SPACA7: variants seen among roughly 807,000 people sequenced by gnomAD.
SPACA7 encodes the protein sperm acrosome-associated protein 7.
SPACA7 carries 19 observed loss-of-function variants against 26.3 expected under a neutral mutation model. The observed-to-expected ratio is 0.72, with a 90% CI of 0.50 to 1.06. SPACA7 has a LOEUF of 1.06. SPACA7 is among the 50% of genes least tolerant of loss of function. The probability of loss-of-function intolerance (pLI) is 0.00; values close to 1 mark genes in which losing one functional copy is unlikely to be tolerated. For missense variants in SPACA7, 211 were observed against 229.9 expected, an observed-to-expected ratio of 0.92 and a Z score of 0.53; for synonymous variants, 84 against 84.5, an observed-to-expected ratio of 0.99 and a Z score of 0.04.
intron 2 of SPACA7, among the ~76,000 whole-genome samples, chr13:112,397,619 A>C (rs1212710337): frequency 6.6e-6 from 1 of 152,156 alleles, no homozygotes; most frequent in Admixed American, 6.5e-5. Flanking sequence ...TCCCTAGGAG[A>C]ACCCATAGGG....
intron 5 of SPACA7, among the ~76,000 whole-genome samples, chr13:112,414,902 A>T (rs1045154451): frequency 6.6e-6 from 1 of 152,190 alleles, no homozygotes; most frequent in South Asian, 2.1e-4. Context: ...ATTGAAAGTT[A>T]GATATTTATT....
chr13:112,377,356 A>T (rs574615740), intron 1 of SPACA7, among the ~76,000 whole-genome samples: 1 of 152,334 alleles, frequency 6.6e-6, no homozygotes, highest in Admixed American at 6.5e-5. Flanking sequence ...AGACCTTTTA[A>T]AATCTAGACA....
intron 5 of SPACA7, among the ~76,000 whole-genome samples, chr13:112,403,548 A>G (rs925480287): frequency 5.9e-5 from 9 of 152,034 alleles, no homozygotes; most frequent in Non-Finnish European, 1.2e-4. Context: ...ACTGTACCCA[A>G]TTTGTAGTCT....
At chr13:112,411,339 G>A (rs895736850) in intron 5 of SPACA7, among the ~76,000 whole-genome samples, 4 of 151,852 alleles carry the variant, frequency 2.6e-5, no homozygotes, top group African/African-American at 9.7e-5. Flanking sequence ...CATATTTACA[G>A]GACACATTTA....
chr13:112,405,893 G>C (rs886806278), intron 5 of SPACA7, among the ~76,000 whole-genome samples: 15 of 151,980 alleles, frequency 9.9e-5, no homozygotes, highest in African/African-American at 3.6e-4. Flanking sequence ...CCAACTTTTA[G>C]CATCGAAAAG....
At chr13:112,389,277 T>A (rs920068623) in intron 1 of SPACA7, among the ~76,000 whole-genome samples, 1 of 152,208 alleles carries the variant, frequency 6.6e-6, no homozygotes, top group African/African-American at 2.4e-5. Context: ...TCTCTTTCAC[T>A]GTCTCAGTCA....
At chr13:112,419,639 T>A (rs755602257) in intron 5 of SPACA7, among the ~76,000 whole-genome samples, 1 of 152,196 alleles carries the variant, frequency 6.6e-6, no homozygotes, top group Non-Finnish European at 1.5e-5. Context: ...TCACCATTAC[T>A]AACAGAGAGC....
chr13:112,432,725 G>A (rs2296890), intron 6 of SPACA7, among the ~76,000 whole-genome samples: 21,180 of 152,124 alleles, frequency 0.14, 1,644 homozygotes, highest in East Asian at 0.28. Flanking sequence ...GTCAAGGCCC[G>A]TGTCATTGAA....
chr13:112,408,734 A>C (rs1262997371), intron 5 of SPACA7, among the ~76,000 whole-genome samples: 1 of 152,236 alleles, frequency 6.6e-6, no homozygotes, highest in Non-Finnish European at 1.5e-5. Flanking sequence ...CAAATGGAAG[A>C]GCATTCCATG....
chr13:112,399,470 C>A (rs1885498010), intron 4 of SPACA7, among the ~76,000 whole-genome samples: 1 of 152,124 alleles, frequency 6.6e-6, no homozygotes, highest in African/African-American at 2.4e-5. Flanking sequence ...TGCCACAATG[C>A]CTGGCCCCCT....
chr13:112,430,004 T>C (rs181215899), intron 5 of SPACA7, among the ~76,000 whole-genome samples: 1 of 152,204 alleles, frequency 6.6e-6, no homozygotes, highest in South Asian at 2.1e-4. Context: ...GAGGGTTTTT[T>C]AAAATGTTTT....
intron 2 of SPACA7, among the ~76,000 whole-genome samples, chr13:112,394,102 A>G (rs9604311): frequency 0.44 from 67,207 of 151,702 alleles, 15,081 homozygotes; most frequent in East Asian, 0.64. Flanking sequence ...TTTCCATCAC[A>G]CTGGCTCTCC....
intron 1 of SPACA7, chr13:112,382,359 A>G: frequency 6.8e-7 from 1 of 1,467,806 alleles, no homozygotes. Context: ...CAGCCTCCCA[A>G]AGTGCTGGGA....
In SPACA7 at chr13:112,377,102, C is replaced by T. The variant is rs545400540; in HGVS notation, c.94+623C>T. 2.8e-4 allele frequency among the ~76,000 whole-genome samples: 42 copies of T among 152,266 alleles called. No homozygotes were observed. The South Asian group carries it at 8.7e-3, about 32-fold the overall frequency. On this transcript the variant is annotated intron_variant, in intron 1 of 6. Coordinates refer to ENST00000283550, the MANE Select transcript of SPACA7 (RefSeq NM_145248.5). ...CAAATACAGGGAAAGTGGAGATTTG[C>T]AGCCAAGGATCAGGGTGGGTCAGTG...
chr13:112,377,779 C>A (rs1268997899), intron 1 of SPACA7, among the ~76,000 whole-genome samples: 1 of 152,206 alleles, frequency 6.6e-6, no homozygotes, highest in Non-Finnish European at 1.5e-5. Flanking sequence ...CATTCCTTTT[C>A]TCTTTGAACA....
At chr13:112,397,595 C>G (rs1885356450) in intron 2 of SPACA7, among the ~76,000 whole-genome samples, 1 of 152,214 alleles carries the variant, frequency 6.6e-6, no homozygotes, top group Non-Finnish European at 1.5e-5. Context: ...GCTCAAGGCT[C>G]TCATGGTAAA....
rs190682252 is a variant in SPACA7 at position 112,413,858 on chromosome 13, A to T, written c.445+12694A>T. Among the ~76,000 whole-genome samples, 8 of 152,308 alleles carry T rather than the reference A, an allele frequency of 5.3e-5. No homozygotes were observed. In the East Asian group the frequency reaches 1.5e-3, roughly 29 times the overall value. The stretch of plus-strand genomic sequence containing the variant: ...CCTGAGGCTGGGTAATTTATAAAGA[A>T]AAGAGGTTTATTTGGCTCACAGTTA... On this transcript the variant is annotated intron_variant, in intron 5 of 6. Coordinates refer to ENST00000283550, the MANE Select transcript of SPACA7 (RefSeq NM_145248.5).
At chr13:112,392,341 G>A (rs141747322) in intron 1 of SPACA7, among the ~76,000 whole-genome samples, 14 of 152,216 alleles carry the variant, frequency 9.2e-5, no homozygotes, top group Non-Finnish European at 1.6e-4. Flanking sequence ...AGGAGGCCAC[G>A]GGGCCTGTGG....
At chr13:112,413,203 C>T (rs919695618) in intron 5 of SPACA7, among the ~76,000 whole-genome samples, 2 of 152,134 alleles carry the variant, frequency 1.3e-5, no homozygotes, top group Non-Finnish European at 2.9e-5. Flanking sequence ...GCTTGTTGCA[C>T]ATTAGCACCC....
Sources: allele counts gnomAD v4.1 joint callset (sites outside exome capture counted in the v4.1 genomes callset), GRCh38; gene constraint gnomAD v4.1.1; transcripts MANE v1.5; gene names NCBI Gene and HGNC (gene_info 2026-07-23, HGNC 2026-07-21).